The following DNHD1 variants were observed in gnomAD, a reference collection of about 807,000 sequenced individuals.
DNHD1 encodes dynein heavy chain domain 1, also known as dynein heavy chain domain-containing protein 1.
Under a neutral mutation model 458.1 loss-of-function variants are expected in DNHD1, and 383 were observed. That is an observed-to-expected ratio of 0.84 (90% confidence interval 0.77 to 0.91). The LOEUF (loss-of-function observed/expected upper bound fraction) is 0.91, where lower values mean the gene tolerates loss of function less well. Among genes scored for constraint, DNHD1 ranks in the 40% least tolerant of loss-of-function variants. The pLI is 0.00. For synonymous variants in DNHD1, 2,203 were observed against 2,376.9 expected (o/e 0.93, Z 2.13); for missense variants, 5,336 against 5,866.1 (o/e 0.91, Z 2.95).
At position 6,546,946 on chromosome 11, in the gene DNHD1, C is replaced by G; in HGVS notation, c.6007C>G (p.His2003Asp). The change falls in exon 21 of 43, where the codon CAC (histidine) becomes GAC (aspartate). Residue 2003 changes from histidine to aspartate, a missense_variant. By Grantham distance (81) the His-to-Asp change is moderately conservative. Transcript: ENST00000254579. ...GGGCAGCGGCAAGACCACTTGTTGG[C>G]ACAGCTTATTTAAGATCCAGAATCG... ...PAGSGKTTCWHSLFKIQNRLA... is the reference protein window; with the variant it reads ...PAGSGKTTCWDSLFKIQNRLA... The G allele has an allele frequency of 1.9e-6, 3 of 1,551,548 alleles. No individual in the cohort carries two copies. Among genetic ancestry groups the G allele is most frequent in the Non-Finnish European group, 1.7e-6 (2 of 1,146,920 alleles).
In DNHD1 at chr11:6,519,720, C is replaced by A; in HGVS notation, c.1513C>A (p.Gln505Lys). The change falls in exon 8 of 43, where the codon CAG becomes AAG. Residue 505 changes from glutamine (Q) to lysine (K), a missense_variant. Gln to Lys is a moderately conservative substitution (Grantham distance 53). Transcript: ENST00000254579. The part of the protein sequence containing the change: ...LQRVQHKQLE[Q>K]KLKQAEAWWL... ...GAGGGTACAGCACAAGCAACTGGAG[C>A]AGAAGCTGAAGCAAGCAGAGGCCTG... The A allele has an allele frequency of 6.2e-7, 1 of 1,614,170 alleles. No individual in the cohort carries two copies. The highest frequency in any genetic ancestry group is 8.5e-7 in the Non-Finnish European group (1 of 1,180,024).
Position 6,559,102 on chromosome 11 carries a change from C to G in DNHD1, c.9412C>G (p.Gln3138Glu). The stretch of plus-strand genomic sequence containing the variant: ...AATCCTGAAGATTAAGAACAAGGCC[C>G]AGCGGTGAGTGTCCCGTCCCCTGCA... Reference protein sequence around the residue: ...QTILKIKNKAQRVQNALENLR... With the variant: ...QTILKIKNKAERVQNALENLR... Residue 3138 changes from glutamine (Q) to glutamate (E), a missense_variant, in exon 27 of 43, where the codon CAG becomes GAG. Gln to Glu is a conservative substitution (Grantham distance 29, BLOSUM62 2). Around this residue, in one of 4 missense-constraint regions of DNHD1, gnomAD observed 3,932 missense variants for 4,365.6 expected, o/e 0.90. Transcript: ENST00000254579. The G allele has an allele frequency of 6.4e-7, 1 of 1,551,722 alleles. No individual in the cohort carries two copies. Among genetic ancestry groups the G allele is most frequent in the Non-Finnish European group, 8.7e-7 (1 of 1,146,996 alleles).
In DNHD1 at chr11:6,558,225, G is replaced by A. The variant is rs770017503; in HGVS notation, c.8930G>A (p.Arg2977His). The change falls in exon 25 of 43, where the codon CGC (arginine) becomes CAC (histidine). Residue 2977 changes from arginine (R) to histidine (H), a missense_variant. Physicochemically the swap from Arg to His is conservative, Grantham distance 29. Around this residue, in one of 4 missense-constraint regions of DNHD1, gnomAD observed 3,932 missense variants for 4,365.6 expected, o/e 0.90. Coordinates refer to ENST00000254579, the MANE Select transcript of DNHD1 (RefSeq NM_144666.3). ...CAGTACACAGAAGCAGATTTGGACC[G>A]CATTGGAGAACACCTCCCCAGGGAG... Reference protein sequence around the residue: ...PGQYTEADLDRIGEHLPRENL... With the variant: ...PGQYTEADLDHIGEHLPRENL... 18 of 1,551,696 alleles carry A rather than the reference G, an allele frequency of 1.2e-5. No homozygotes were observed. The highest frequency in any genetic ancestry group is 1.2e-5 in the Non-Finnish European group (14 of 1,146,994).
chr11:6,558,198 G>A lies in DNHD1; in HGVS notation c.8903G>A (p.Gly2968Asp). ...LALATSGSFP[G>D]QYTEADLDRI... is the part of the protein sequence containing the mutation. ...CTGGCAACCTCAGGCAGTTTCCCTGGCCAGTACACAGAAGCAGATTTGGAC... is the reference window on the plus strand; with the variant it reads ...CTGGCAACCTCAGGCAGTTTCCCTGACCAGTACACAGAAGCAGATTTGGAC... The change falls in exon 25 of 43, where the codon GGC becomes GAC. Residue 2968 changes from glycine (G) to aspartate (D), a missense_variant. By Grantham distance (94) the Gly-to-Asp change is moderately conservative. Coordinates refer to ENST00000254579, the MANE Select transcript of DNHD1 (RefSeq NM_144666.3). 1.9e-6 allele frequency: 3 copies of A among 1,551,696 alleles called. No individual in the cohort carries two copies. The highest frequency in any genetic ancestry group is 2.6e-6 in the Non-Finnish European group (3 of 1,146,996).
At chr11:6,525,022 G>A (rs994298933) in intron 10 of DNHD1, among the ~76,000 whole-genome samples, 11 of 152,184 alleles carry the variant, frequency 7.2e-5, no homozygotes, top group African/African-American at 2.4e-4. Context: ...TTCTGTAAGA[G>A]AGTTATGTGT....
chr11:6,498,340 A>G lies in DNHD1; in HGVS notation c.125A>G (p.Gln42Arg), dbSNP rs759868538. The change falls in exon 3 of 43, where the codon CAG (glutamine) becomes CGG (arginine). Residue 42 changes from glutamine to arginine, a missense_variant. Physicochemically the swap from Gln to Arg is conservative, Grantham distance 43. Coordinates refer to ENST00000254579, the MANE Select transcript of DNHD1 (RefSeq NM_144666.3). ...KEQPLACQQK[Q>R]RQFVKPVTES... ...CAGCCCTTGGCCTGCCAGCAGAAAC[A>G]GAGGCAGTTCGTGAAGCCAGTGACT... 1 of 1,614,216 alleles carries G rather than the reference A, an allele frequency of 6.2e-7. No individual in the cohort carries two copies. Among genetic ancestry groups the G allele is most frequent in the South Asian group, 1.1e-5 (1 of 91,090 alleles).
At position 6,546,576 on chromosome 11, in the gene DNHD1, G is replaced by C; in HGVS notation, c.5637G>C (p.Gln1879His). Residue 1879 changes from glutamine (Q) to histidine (H), a missense_variant, in exon 21 of 43, where the codon CAG (glutamine) becomes CAC (histidine). Gln to His is a conservative substitution (Grantham distance 24). This residue lies in a region of DNHD1 where 3,932 missense variants were observed against 4,365.6 expected (regional missense o/e 0.90). Coordinates refer to ENST00000254579, the MANE Select transcript of DNHD1 (RefSeq NM_144666.3). ...CCTGCCGCCTGCCACTGCTCAAGCA[G>C]ATACTGGAAGACACAATACGGACAC... ...PLPCRLPLLK[Q>H]ILEDTIRTLN... 3 of 1,551,844 alleles carry C rather than the reference G, an allele frequency of 1.9e-6. No individual in the cohort carries two copies. Among genetic ancestry groups the C allele is most frequent in the Non-Finnish European group, 1.7e-6 (2 of 1,147,026 alleles).
Position 6,505,486 on chromosome 11 carries a change from C to T in DNHD1, c.920+2560C>T, listed in dbSNP as rs1319447182. 6.6e-6 allele frequency among the ~76,000 whole-genome samples: 1 copy of T among 152,064 alleles called. No individual in the cohort carries two copies. Among genetic ancestry groups the T allele is most frequent in the Non-Finnish European group, 1.5e-5 (1 of 68,004 alleles). On this transcript the variant is annotated intron_variant, in intron 4 of 42. Coordinates refer to ENST00000254579, the MANE Select transcript of DNHD1 (RefSeq NM_144666.3). This position sits in a 1 kb window ranked among gnomAD's most constrained non-coding sequence, Gnocchi z 4.4. ...CAAGCTGATCTCGAACTCCTGGCTT[C>T]AAGTGATCCACCCACCTCAGCCTCC...
At chr11:6,564,273 A>G in intron 31 of DNHD1, 60 bp from the exon 32 acceptor site, 1 of 1,476,692 alleles carries the variant, frequency 6.8e-7, no homozygotes, top group South Asian at 1.3e-5. Flanking sequence ...CCTCTGCCAT[A>G]TCTCTGCCTG....
intron 7 of DNHD1, among the ~76,000 whole-genome samples, chr11:6,519,189 G>A (rs1202997641): frequency 1.3e-5 from 2 of 152,116 alleles, no homozygotes; most frequent in African/African-American, 4.8e-5. Flanking sequence ...ATTCTACTCA[G>A]CAGGCCACAT....
chr11:6,517,652 CTTTTTTTTTTTTTTTTTTTTT>C (rs59300977), intron 7 of DNHD1, among the ~76,000 whole-genome samples: 2 of 59,050 alleles, frequency 3.4e-5, no homozygotes, highest in South Asian at 9.4e-4. Context: ...TCTAGGACTT[CTTTTTTTTTTTTTTTTTTTTT>C]TTTTTTTTTT....
chr11:6,566,036 C>G (rs1401760442), intron 33 of DNHD1, 45 bp downstream of exon 33: 1 of 1,539,520 alleles, frequency 6.5e-7, no homozygotes, highest in African/African-American at 1.4e-5. Context: ...TTGACTTGCC[C>G]CATTCTGTGA....
At position 6,571,130 on chromosome 11, in the gene DNHD1, C is replaced by T. The variant is rs1235352754; in HGVS notation, c.13618C>T (p.His4540Tyr). ...TGRLPLPWRP[H>Y]APAGPQPPWH... Reference sequence around the variant, plus strand: ...CCGCCTACCCTTGCCTTGGCGACCTCATGCGCCGGCCGGTCCGCAGCCGCC... The same window carrying T: ...CCGCCTACCCTTGCCTTGGCGACCTTATGCGCCGGCCGGTCCGCAGCCGCC... The change falls in exon 42 of 43, where the codon CAT becomes TAT. Residue 4540 changes from histidine to tyrosine, a missense_variant. Physicochemically the swap from His to Tyr is moderately conservative, Grantham distance 83 (BLOSUM62 2). Around this residue, in one of 4 missense-constraint regions of DNHD1, gnomAD observed 698 missense variants for 664.9 expected, o/e 1.05. Coordinates refer to ENST00000254579, the MANE Select transcript of DNHD1 (RefSeq NM_144666.3). The surrounding 1 kb of genome is among the most constrained non-coding windows in gnomAD (Gnocchi z 5.0). 3 of 1,600,678 alleles carry T rather than the reference C, an allele frequency of 1.9e-6. No individual in the cohort carries two copies. The highest frequency in any genetic ancestry group is 1.7e-5 in the Admixed American group (1 of 59,700).
intron 28 of DNHD1, among the ~76,000 whole-genome samples, chr11:6,561,631 G>A (rs757392488): frequency 6.6e-6 from 1 of 152,178 alleles, no homozygotes; most frequent in Non-Finnish European, 1.5e-5. Flanking sequence ...AAAGCAGAGT[G>A]CCCCGCTGTG....
At position 6,505,621 on chromosome 11, in the gene DNHD1, G is replaced by C. The variant is rs951714600; in HGVS notation, c.920+2695G>C. Reference sequence around the variant, plus strand: ...TGTTGAAATGCCTAGTATGGTTTCTGTTTTACTGACTGGACCCTGACTAAC... The same window carrying C: ...TGTTGAAATGCCTAGTATGGTTTCTCTTTTACTGACTGGACCCTGACTAAC... On this transcript the variant is annotated intron_variant, in intron 4 of 42. Transcript: ENST00000254579. The surrounding 1 kb of genome is among the most constrained non-coding windows in gnomAD (Gnocchi z 4.4). Among the ~76,000 whole-genome samples, 1 of 152,156 alleles carries C rather than the reference G, an allele frequency of 6.6e-6. No homozygotes were observed. The highest frequency in any genetic ancestry group is 1.5e-5 in the Non-Finnish European group (1 of 68,026).
At chr11:6,500,008 A>G (rs1454975220) in intron 3 of DNHD1, among the ~76,000 whole-genome samples, 1 of 147,428 alleles carries the variant, frequency 6.8e-6, no homozygotes, top group African/African-American at 2.5e-5. Context: ...TCTGTCGCCC[A>G]GGCTAGAGTG....
In DNHD1 at chr11:6,546,691, A is replaced by G. The variant is rs529633051; in HGVS notation, c.5752A>G (p.Ser1918Gly). 1.8e-4 allele frequency: 125 copies of G among 683,434 alleles called. No homozygotes were observed. In the African/African-American group the frequency reaches 2.3e-3, roughly 12 times the overall value. The allele number at this position is 683,434 out of a possible 1,614,324, so 42.3% of individuals were successfully genotyped here. Residue 1918 changes from serine to glycine, a missense_variant, in exon 21 of 43, where the codon AGC becomes GGC. Around this residue, in one of 4 missense-constraint regions of DNHD1, gnomAD observed 3,932 missense variants for 4,365.6 expected, o/e 0.90. Transcript: ENST00000254579. ...TGCCCTACTGCGCTCACCACTGTTT[A>G]GCATTCTCAATGGGCTCCACCTGCA... ...EAALLRSPLF[S>G]ILNGLHLHNL...
chr11:6,520,561 C>G, intron 10 of DNHD1: 1 of 1,274,300 alleles, frequency 7.8e-7, no homozygotes, highest in Non-Finnish European at 9.9e-7. Flanking sequence ...AAACCTGATT[C>G]ATCCCAAACT....
At position 6,539,905 on chromosome 11, in the gene DNHD1, T is replaced by C. The variant is rs563776321; in HGVS notation, c.3450T>C (p.His1150=). The stretch of plus-strand genomic sequence containing the variant: ...GGCAGAATGAAAATGAACGAATTCA[T>C]GCCCAAGAGACTATACGGCGGTTGC... ...QVWQNENERI[H]AQETIRRLQR... The change falls in exon 18 of 43, where the codon CAT becomes CAC. Residue 1150 remains histidine, a synonymous_variant. Transcript: ENST00000254579. 377 of 1,551,738 alleles carry C rather than the reference T, an allele frequency of 2.4e-4. 7 individuals carry two copies. The South Asian group carries it at 4.1e-3, about 17-fold the overall frequency.
Sources: gnomAD v4.1 joint callset for allele counts (sites outside exome capture counted in the v4.1 genomes callset) on GRCh38, gnomAD v4.1.1 for gene constraint, gnomAD v4.1.1 regional missense constraint, Gnocchi (gnomAD v3.1) non-coding constraint, MANE v1.5 for transcripts, NCBI Gene and HGNC (gene_info 2026-07-23, HGNC 2026-07-21) for gene names.